Variants in VAT1L observed in about 807,000 individuals in gnomAD.
VAT1L encodes the protein putative NADPH-dependent quinone oxidoreductase VAT1L.
A neutral mutation model predicts 44.1 loss-of-function variants in VAT1L; 34 were observed. The observed-to-expected ratio is 0.77, with a 90% confidence interval of 0.59 to 1.03. The LOEUF (loss-of-function observed/expected upper bound fraction) is 1.03. Among genes scored for constraint, VAT1L ranks in the 50% least tolerant of loss-of-function variants. VAT1L has a pLI of 0.00. For synonymous variants in VAT1L, 253 were observed against 202.2 expected (o/e 1.25, Z -2.13); for missense variants, 615 against 538.8 (o/e 1.14, Z -1.40).
At chr16:77,812,290 C>G (rs918220476) in intron 1 of VAT1L, among the ~76,000 whole-genome samples, 3 of 152,122 alleles carry the variant, frequency 2.0e-5, no homozygotes, top group Admixed American at 1.3e-4. Flanking sequence ...CCAGGCTGGT[C>G]TCGAACTCCT....
intron 7 of VAT1L, among the ~76,000 whole-genome samples, chr16:77,899,499 G>C (rs187411025): frequency 6.6e-6 from 1 of 152,374 alleles, no homozygotes; most frequent in Admixed American, 6.5e-5. Flanking sequence ...ATTGCAAGCA[G>C]TGTGTAAGCT....
chr16:77,964,341 T>C (rs751072243), intron 7 of VAT1L, among the ~76,000 whole-genome samples: 7 of 152,198 alleles, frequency 4.6e-5, no homozygotes, highest in Non-Finnish European at 1.0e-4. Flanking sequence ...CAGGGCTGCG[T>C]TCCTCGTGGA....
intron 3 of VAT1L, among the ~76,000 whole-genome samples, chr16:77,851,920 CCTT>C (rs1389845001): frequency 6.6e-6 from 1 of 152,136 alleles, no homozygotes; most frequent in Non-Finnish European, 1.5e-5. Flanking sequence ...CTGCTCCTGT[CCTT>C]CTTGTACATT....
At chr16:77,932,635 G>A (rs2017745903) in intron 7 of VAT1L, among the ~76,000 whole-genome samples, 1 of 152,166 alleles carries the variant, frequency 6.6e-6, no homozygotes, top group Non-Finnish European at 1.5e-5. Context: ...GAGAAAAGCA[G>A]GACAGTCCTT....
chr16:77,880,242 C>T (rs2017135810), intron 6 of VAT1L, among the ~76,000 whole-genome samples: 2 of 152,052 alleles, frequency 1.3e-5, no homozygotes, highest in South Asian at 2.1e-4. Context: ...CTGCAACCTC[C>T]ACCTCCTGGG....
At chr16:77,881,014 T>C (rs1310616356) in intron 6 of VAT1L, among the ~76,000 whole-genome samples, 1 of 152,198 alleles carries the variant, frequency 6.6e-6, no homozygotes. Flanking sequence ...GGCACCTAGG[T>C]TGATTCCATG....
intron 3 of VAT1L, among the ~76,000 whole-genome samples, chr16:77,848,147 A>G (rs1465668238): frequency 1.3e-5 from 2 of 152,176 alleles, no homozygotes; most frequent in African/African-American, 4.8e-5. Context: ...GCTTCCTAAG[A>G]GCAAAATTTA....
At chr16:77,903,979 G>A (rs963770000) in intron 7 of VAT1L, among the ~76,000 whole-genome samples, 10 of 151,512 alleles carry the variant, frequency 6.6e-5, no homozygotes, top group African/African-American at 1.2e-4. Flanking sequence ...CTTGTGATCC[G>A]CTCGCCTCAG....
intron 7 of VAT1L, among the ~76,000 whole-genome samples, chr16:77,959,069 G>A (rs2018134659): frequency 6.6e-6 from 1 of 152,200 alleles, no homozygotes; most frequent in African/African-American, 2.4e-5. Flanking sequence ...TGCTGATCCT[G>A]CACTTGTGTG....
At chr16:77,796,557 T>C (rs2015937012) in intron 1 of VAT1L, among the ~76,000 whole-genome samples, 1 of 152,238 alleles carries the variant, frequency 6.6e-6, no homozygotes, top group Non-Finnish European at 1.5e-5. Context: ...TTTCAACTTA[T>C]CTACTTCCTC....
intron 7 of VAT1L, among the ~76,000 whole-genome samples, chr16:77,895,801 C>T (rs763757622): frequency 6.6e-6 from 1 of 152,244 alleles, no homozygotes; most frequent in East Asian, 1.9e-4. Context: ...CGCCAAGCAC[C>T]GGGCCAGGCT....
chr16:77,927,321 G>A (rs1036992771), intron 7 of VAT1L, among the ~76,000 whole-genome samples: 1 of 147,854 alleles, frequency 6.8e-6, no homozygotes, highest in African/African-American at 2.5e-5. Context: ...CTGGGTGACA[G>A]AGCGAGACTC....
intron 7 of VAT1L, among the ~76,000 whole-genome samples, chr16:77,891,027 A>C (rs183886449): frequency 1.3e-5 from 2 of 152,016 alleles, no homozygotes; most frequent in East Asian, 3.9e-4. Context: ...TGGCTATTTA[A>C]ATTTAAGCTA....
At chr16:77,887,721 T>C (rs2017223787) in intron 7 of VAT1L, among the ~76,000 whole-genome samples, 1 of 152,130 alleles carries the variant, frequency 6.6e-6, no homozygotes, top group Admixed American at 6.5e-5. Flanking sequence ...CTTGACTGAG[T>C]CATGCATCAT....
chr16:77,831,109 G>C (rs1413954988), intron 3 of VAT1L, among the ~76,000 whole-genome samples: 2 of 152,178 alleles, frequency 1.3e-5, no homozygotes, highest in Non-Finnish European at 2.9e-5. Flanking sequence ...ACTGAAGGCT[G>C]GGTTGTTTGG....
chr16:77,896,988 T>G (rs906097385), intron 7 of VAT1L, among the ~76,000 whole-genome samples: 3 of 152,150 alleles, frequency 2.0e-5, no homozygotes, highest in Non-Finnish European at 4.4e-5. Flanking sequence ...CTATTTGCCT[T>G]TGAGGTTGAT....
intron 7 of VAT1L, among the ~76,000 whole-genome samples, chr16:77,928,701 A>G (rs189025286): frequency 6.6e-6 from 1 of 152,284 alleles, no homozygotes; most frequent in African/African-American, 2.4e-5. Context: ...CAAAATCAGT[A>G]ACAAAAACAA....
At chr16:77,809,021 T>C (rs2016216964) in intron 1 of VAT1L, among the ~76,000 whole-genome samples, 1 of 152,202 alleles carries the variant, frequency 6.6e-6, no homozygotes, top group African/African-American at 2.4e-5. Flanking sequence ...AGTGGAGAGT[T>C]CTTGTCTTTG....
intron 1 of VAT1L, among the ~76,000 whole-genome samples, chr16:77,798,864 G>A (rs1470264954): frequency 6.6e-6 from 1 of 152,164 alleles, no homozygotes; most frequent in Admixed American, 6.5e-5. Flanking sequence ...AGGGCGGGAA[G>A]GCCACCCCCT....
Sources: allele counts gnomAD v4.1 joint callset (sites outside exome capture counted in the v4.1 genomes callset), GRCh38; gene constraint gnomAD v4.1.1; transcripts MANE v1.5; gene names NCBI Gene and HGNC (gene_info 2026-07-23, HGNC 2026-07-21).